The following CFAP92 variants were observed in gnomAD, a reference collection of about 807,000 sequenced individuals.
CFAP92 encodes the protein cilia and flagella associated protein 92 (putative), also known as uncharacterized protein CFAP92.
In CFAP92, 86 loss-of-function variants were observed where a neutral mutation model predicts 106.3. That is an observed-to-expected ratio of 0.81 (90% CI 0.68 to 0.97). The LOEUF is 0.97. Among genes scored for constraint, CFAP92 ranks in the 50% least tolerant of loss-of-function variants. The pLI, the probability that CFAP92 is intolerant of heterozygous loss-of-function variation, is 0.00. For missense variants in CFAP92, 1,204 were observed against 1,283.8 expected (o/e 0.94, Z 0.95); for synonymous variants, 477 against 506.4 (o/e 0.94, Z 0.78).
chr3:128,975,650 ACT>A (rs1427512687), intron 7 of CFAP92, 127 bp downstream of exon 7: 1 of 792,448 alleles, frequency 1.3e-6, no homozygotes. Context: ...TGTATACAGT[ACT>A]CTTACTTTTG....
intron 13 of CFAP92, 61 bp from the exon 14 acceptor site, chr3:128,915,624 C>T: frequency 8.7e-7 from 1 of 1,148,720 alleles, no homozygotes; most frequent in Non-Finnish European, 1.2e-6. Context: ...GATTTATTTC[C>T]AAGTAGGAAT....
At chr3:128,957,651 A>G (rs1383260517) in intron 9 of CFAP92, among the ~76,000 whole-genome samples, 1 of 152,218 alleles carries the variant, frequency 6.6e-6, no homozygotes, top group African/African-American at 2.4e-5. Context: ...ATATATCAAC[A>G]TTTACTCTAA....
At chr3:128,965,232 T>C (rs1270625325) in intron 9 of CFAP92, among the ~76,000 whole-genome samples, 1 of 152,210 alleles carries the variant, frequency 6.6e-6, no homozygotes, top group African/African-American at 2.4e-5. Flanking sequence ...CAACCCCCTT[T>C]GACTGTAATT....
chr3:128,944,988 A>G, intron 10 of CFAP92, 83 bp downstream of exon 10: 1 of 1,212,976 alleles, frequency 8.2e-7, no homozygotes, highest in Non-Finnish European at 1.1e-6. Context: ...TGCTAAACCT[A>G]GGCTTGGCTC....
chr3:128,914,427 G>C (rs1368357222), intron 15 of CFAP92, among the ~76,000 whole-genome samples: 2 of 152,222 alleles, frequency 1.3e-5, no homozygotes, highest in African/African-American at 4.8e-5. Flanking sequence ...ATGGAGCTGT[G>C]ATCAGTTGTC....
intron 9 of CFAP92, among the ~76,000 whole-genome samples, chr3:128,957,831 CTGG>C (rs1157437523): frequency 1.3e-5 from 1 of 74,100 alleles, no homozygotes; most frequent in Admixed American, 1.2e-4. Context: ...GCGCCATAAA[CTGG>C]GGGGGGGCTT....
chr3:128,938,893 GAT>G (rs1012092684), intron 10 of CFAP92, among the ~76,000 whole-genome samples: 1 of 152,128 alleles, frequency 6.6e-6, no homozygotes, highest in Non-Finnish European at 1.5e-5. Context: ...CAAATGACAT[GAT>G]GGTCAGTGTA....
At chr3:128,988,071 G>A (rs1179786261) in intron 3 of CFAP92, among the ~76,000 whole-genome samples, 3 of 151,962 alleles carry the variant, frequency 2.0e-5, no homozygotes, top group Admixed American at 6.6e-5. Context: ...CATCCTCCTC[G>A]ATTGCTTCTA....
chr3:128,911,843 T>G (rs1936363520), intron 15 of CFAP92, among the ~76,000 whole-genome samples: 1 of 152,228 alleles, frequency 6.6e-6, no homozygotes, highest in African/African-American at 2.4e-5. Flanking sequence ...CTTTACCCAC[T>G]GTACTCCATC....
In CFAP92 at chr3:128,976,992, A is replaced by C. The variant is rs1943199260; in HGVS notation, c.883T>G (p.Ser295Ala). The C allele has an allele frequency of 6.2e-7, 1 of 1,613,698 alleles. No homozygotes were observed. The highest frequency in any genetic ancestry group is 1.3e-5 in the African/African-American group (1 of 74,926). Residue 295 changes from serine to alanine, a missense_variant, in exon 6 of 16, where the codon TCT (serine) becomes GCT (alanine). Ser to Ala is a moderately conservative substitution (Grantham distance 99, BLOSUM62 1). Coordinates refer to ENST00000645291, the MANE Select transcript of CFAP92 (RefSeq NM_001394090.1). ...EYEKSLKMDD[S>A]STIQWSVSRT... ...TTCAATCCTTACTGAATCGTGGAAG[A>C]ATCGTCCATTTTGAGGGACTTCTCA...
At chr3:128,919,987 C>G (rs16852288) in intron 12 of CFAP92, among the ~76,000 whole-genome samples, 4,426 of 152,292 alleles carry the variant, frequency 0.029, 110 homozygotes, top group South Asian at 0.11. Context: ...TTTCAATACC[C>G]TCTTTACCAT....
chr3:128,959,639 T>G (rs1241066983), intron 9 of CFAP92, among the ~76,000 whole-genome samples: 1 of 152,202 alleles, frequency 6.6e-6, no homozygotes, highest in African/African-American at 2.4e-5. Flanking sequence ...AGCATCCCGC[T>G]GGCAACTGCC....
upstream of CFAP92, among the ~76,000 whole-genome samples, chr3:129,006,172 T>C (rs1172375509): frequency 6.6e-6 from 1 of 152,230 alleles, no homozygotes. Context: ...CAAATCAGCC[T>C]GGCCCCACTG....
the CFAP92 span, among the ~76,000 whole-genome samples, chr3:129,010,233 G>A: frequency 6.6e-6 from 1 of 152,224 alleles, no homozygotes; most frequent in East Asian, 1.9e-4. The surrounding 1 kb of genome is among the most constrained non-coding windows in gnomAD (Gnocchi z 4.3). Flanking sequence ...GTGACATCTC[G>A]TCCTTTTGAA....
At chr3:128,987,275 C>T (rs1330930471) in intron 4 of CFAP92, among the ~76,000 whole-genome samples, 2 of 151,548 alleles carry the variant, frequency 1.3e-5, no homozygotes, top group African/African-American at 4.9e-5. Context: ...TAAGTTTTCT[C>T]TTTTGTTCCT....
the CFAP92 span, among the ~76,000 whole-genome samples, chr3:129,017,833 G>A: frequency 6.6e-6 from 1 of 152,206 alleles, no homozygotes; most frequent in African/African-American, 2.4e-5. Context: ...TTAGGGTGTG[G>A]AACTTGGGGG....
In CFAP92 at chr3:128,956,178, AT is replaced by A. The variant is rs1369813032; in HGVS notation, c.1353+9332del. ...ACACCCAAGAATTATCAATAAAAAA[AT>A]AAATTAAAAAAAAAAATAAAAAAAA... On this transcript the variant is annotated intron_variant, in intron 9 of 15. Coordinates refer to ENST00000645291, the MANE Select transcript of CFAP92 (RefSeq NM_001394090.1). 1.3e-4 allele frequency among the ~76,000 whole-genome samples: 14 copies of A among 110,276 alleles called. 1 individual carries two copies. Among genetic ancestry groups the A allele is most frequent in the African/African-American group, 5.2e-4 (10 of 19,314 alleles). The allele number at this position is 110,276 out of a possible 152,430, so 72.3% of individuals were successfully genotyped here.
intron 12 of CFAP92, among the ~76,000 whole-genome samples, chr3:128,916,659 T>C (rs376128118): frequency 5.3e-5 from 8 of 152,336 alleles, no homozygotes; most frequent in African/African-American, 1.9e-4. Flanking sequence ...CATGGTTAAC[T>C]GTCAAGTGTG....
rs1936735980 is a variant in CFAP92 at position 128,915,486 on chromosome 3, C to A, written c.2994G>T (p.Glu998Asp). 1 of 1,536,112 alleles carries A rather than the reference C, an allele frequency of 6.5e-7. No individual in the cohort carries two copies. The highest frequency in any genetic ancestry group is 8.7e-7 in the Non-Finnish European group (1 of 1,146,894). ...GGCGGGATTTCTTCTGGGCTTTCTTCTCCTCTTCCTTCAAGTCCAGGGGCT... is the reference window on the plus strand; with the variant it reads ...GGCGGGATTTCTTCTGGGCTTTCTTATCCTCTTCCTTCAAGTCCAGGGGCT... The part of the protein sequence containing the change: ...MVEPLDLKEE[E>D]KKAQKKSRQA... Residue 998 changes from glutamate (E) to aspartate (D), a missense_variant, in exon 14 of 16, where the codon GAG becomes GAT. Coordinates refer to ENST00000645291, the MANE Select transcript of CFAP92 (RefSeq NM_001394090.1).
Sources: allele counts gnomAD v4.1 joint callset (sites outside exome capture counted in the v4.1 genomes callset), GRCh38; gene constraint gnomAD v4.1.1; non-coding constraint Gnocchi (gnomAD v3.1); transcripts MANE v1.5; gene names NCBI Gene and HGNC (gene_info 2026-07-23, HGNC 2026-07-21).